Variants in CERS6 observed in about 807,000 individuals in gnomAD.
CERS6 encodes LAG1 homolog, ceramide synthase 6.
Under a neutral mutation model 56.8 loss-of-function variants are expected in CERS6, and 26 were observed. That is an observed-to-expected ratio of 0.46 (90% CI 0.34 to 0.63). CERS6 has a LOEUF of 0.63. Ranked by LOEUF, CERS6 falls within the 30% of genes least tolerant of loss-of-function variation. The pLI, the probability that CERS6 is intolerant of heterozygous loss-of-function variation, is 0.01. For missense variants in CERS6, 415 were observed against 467.5 expected (o/e 0.89, Z 1.04); for synonymous variants, 164 against 173.3 (o/e 0.95, Z 0.42).
intron 4 of CERS6, among the ~76,000 whole-genome samples, chr2:168,678,782 C>T (rs962762714): frequency 5.3e-5 from 8 of 152,114 alleles, no homozygotes; most frequent in Admixed American, 5.2e-4. Flanking sequence ...TTGACGTTTT[C>T]ATAGGATTAA....
At chr2:168,476,487 A>G (rs1694072716) in intron 1 of CERS6, among the ~76,000 whole-genome samples, 1 of 152,290 alleles carries the variant, frequency 6.6e-6, no homozygotes, top group East Asian at 1.9e-4. Context: ...GATAGATGAT[A>G]GATAGATAAA....
intron 4 of CERS6, among the ~76,000 whole-genome samples, chr2:168,631,479 AT>A (rs2105295999): frequency 8.0e-6 from 1 of 124,584 alleles, no homozygotes; most frequent in African/African-American, 3.0e-5. Flanking sequence ...TATATAATAT[AT>A]AATATATAAA....
chr2:168,578,330 A>G (rs1683328062), intron 3 of CERS6, among the ~76,000 whole-genome samples: 1 of 152,142 alleles, frequency 6.6e-6, no homozygotes, highest in Non-Finnish European at 1.5e-5. Context: ...GGAAAACGTT[A>G]CCATGTTCAT....
chr2:168,495,811 A>G (rs1694457035), intron 1 of CERS6, among the ~76,000 whole-genome samples: 1 of 152,058 alleles, frequency 6.6e-6, no homozygotes, highest in Non-Finnish European at 1.5e-5. Context: ...GATTGTTTCC[A>G]TTTTGACTTT....
At chr2:168,461,481 AGTGGTCT>A (rs1454409688) in intron 1 of CERS6, among the ~76,000 whole-genome samples, 3 of 148,598 alleles carry the variant, frequency 2.0e-5, no homozygotes, top group African/African-American at 7.5e-5. Flanking sequence ...AAAAAAAAAA[AGTGGTCT>A]GCAGACATAA....
At chr2:168,633,247 C>A (rs1224798514) in intron 4 of CERS6, among the ~76,000 whole-genome samples, 1 of 150,374 alleles carries the variant, frequency 6.7e-6, no homozygotes, top group Non-Finnish European at 1.5e-5. Flanking sequence ...GTGGGAATTT[C>A]TTTCTTTAAT....
At chr2:168,635,795 C>G (rs1257428281) in intron 4 of CERS6, among the ~76,000 whole-genome samples, 1 of 152,190 alleles carries the variant, frequency 6.6e-6, no homozygotes, top group East Asian at 1.9e-4. Context: ...CTGAATCCAA[C>G]CTTAACTAAG....
At chr2:168,727,653 AT>A (rs1287105611) in intron 8 of CERS6, among the ~76,000 whole-genome samples, 1 of 151,852 alleles carries the variant, frequency 6.6e-6, no homozygotes, top group Non-Finnish European at 1.5e-5. Flanking sequence ...TTAGCTTTTT[AT>A]CTGATTTATT....
At chr2:168,495,579 A>G (rs1694451998) in intron 1 of CERS6, among the ~76,000 whole-genome samples, 1 of 152,208 alleles carries the variant, frequency 6.6e-6, no homozygotes, top group Admixed American at 6.5e-5. Context: ...CAGGAGGGTG[A>G]AGGGCCAATC....
chr2:168,720,508 G>A lies in CERS6; in HGVS notation c.845+2530G>A, dbSNP rs192311563. Among the ~76,000 whole-genome samples, 34 of 152,186 alleles carry A rather than the reference G, an allele frequency of 2.2e-4. No homozygotes were observed. In the East Asian group the frequency reaches 6.2e-3, roughly 28 times the overall value. On this transcript the variant is annotated intron_variant, in intron 8 of 9. Coordinates refer to ENST00000305747, the MANE Select transcript of CERS6 (RefSeq NM_203463.3). ...CATTCTTAAGTCTGCTGTTTGCTGC[G>A]TCCGTACGAGTCAGGATAGTATACT...
intron 3 of CERS6, among the ~76,000 whole-genome samples, chr2:168,626,711 T>C (rs888073049): frequency 2.0e-5 from 3 of 152,336 alleles, no homozygotes; most frequent in Non-Finnish European, 4.4e-5. Flanking sequence ...TGTCCCAGTT[T>C]TTCCATTTAC....
intron 3 of CERS6, among the ~76,000 whole-genome samples, chr2:168,617,869 C>T (rs1684355798): frequency 1.3e-5 from 2 of 152,162 alleles, no homozygotes; most frequent in South Asian, 4.1e-4. Flanking sequence ...GGAATTCTCC[C>T]TAAATCATTC....
chr2:168,739,257 A>C (rs1431451570), intron 8 of CERS6, among the ~76,000 whole-genome samples: 1 of 151,902 alleles, frequency 6.6e-6, no homozygotes, highest in Admixed American at 6.6e-5. Flanking sequence ...ATGATGGTCT[A>C]ACTGAGAAAA....
chr2:168,605,394 A>C (rs1684029101), intron 3 of CERS6, among the ~76,000 whole-genome samples: 1 of 152,200 alleles, frequency 6.6e-6, no homozygotes, highest in African/African-American at 2.4e-5. Context: ...TCCAATTGGA[A>C]CTTACGTAAT....
At chr2:168,475,429 T>G (rs1305998958) in intron 1 of CERS6, among the ~76,000 whole-genome samples, 1 of 152,116 alleles carries the variant, frequency 6.6e-6, no homozygotes, top group Non-Finnish European at 1.5e-5. Flanking sequence ...TAAAAGTAAC[T>G]TTTTGAAAAG....
intron 2 of CERS6, among the ~76,000 whole-genome samples, chr2:168,555,716 TTGACTC>T (rs1695662946): frequency 9.3e-6 from 1 of 107,448 alleles, no homozygotes; most frequent in Admixed American, 1.0e-4. Context: ...GAAAGTATAA[TTGACTC>T]TGTGTGTGTG....
At position 168,549,700 on chromosome 2, in the gene CERS6, T is replaced by G. The variant is rs560373972; in HGVS notation, c.276+1999T>G. Among the ~76,000 whole-genome samples the G allele has an allele frequency of 2.6e-5, 4 of 152,320 alleles. No individual in the cohort carries two copies. In the East Asian group the frequency reaches 7.7e-4, roughly 29 times the overall value. On this transcript the variant is annotated intron_variant, in intron 2 of 9. Transcript: ENST00000305747. ...AATTTGAATGATCATATTCTTTTAG[T>G]TTCCAAGGTGATTCCTTTGGAGGTT...
chr2:168,765,486 G>A, intron 8 of CERS6, 106 bp from the exon 9 acceptor site: 2 of 1,116,948 alleles, frequency 1.8e-6, no homozygotes, highest in Non-Finnish European at 2.5e-6. Flanking sequence ...CAGAGAGGGG[G>A]TAGTTGGGAG....
intron 1 of CERS6, among the ~76,000 whole-genome samples, chr2:168,541,749 T>A (rs1695376783): frequency 6.6e-6 from 1 of 152,210 alleles, no homozygotes. Flanking sequence ...AGATAAATTC[T>A]TTAAACCTTA....
Sources: allele counts gnomAD v4.1 joint callset (sites outside exome capture counted in the v4.1 genomes callset), GRCh38; gene constraint gnomAD v4.1.1; transcripts MANE v1.5; gene names NCBI Gene and HGNC (gene_info 2026-07-23, HGNC 2026-07-21).